Variants in ITSN2 observed in about 807,000 individuals in gnomAD.
ITSN2 encodes the protein intersectin-2.
ITSN2 carries 156 observed loss-of-function variants against 243.7 expected under a neutral mutation model. The observed-to-expected ratio is 0.64, with a 90% confidence interval of 0.56 to 0.73. The LOEUF (loss-of-function observed/expected upper bound fraction) is 0.73, where lower values mean the gene tolerates loss of function less well. Ranked by LOEUF, ITSN2 falls within the 30% of genes least tolerant of loss-of-function variation. ITSN2 has a pLI of 0.00. For synonymous variants in ITSN2, 703 were observed against 699.9 expected, an observed-to-expected ratio of 1.00 and a Z score of -0.07; for missense variants, 1,801 against 1,996.1, an observed-to-expected ratio of 0.90 and a Z score of 1.86.
At chr2:24,276,933 A>T (rs1678082625) in intron 17 of ITSN2, among the ~76,000 whole-genome samples, 1 of 152,190 alleles carries the variant, frequency 6.6e-6, no homozygotes, top group African/African-American at 2.4e-5. Context: ...ATAGGAATAA[A>T]ATCAACTCAG....
In ITSN2 at chr2:24,203,801, G is replaced by T. The variant is rs1668556319; in HGVS notation, c.4937-18C>A. 6.2e-7 allele frequency: 1 copy of T among 1,605,128 alleles called. No individual in the cohort carries two copies. The highest frequency in any genetic ancestry group is 8.5e-7 in the Non-Finnish European group (1 of 1,174,640). On this transcript the variant is annotated intron_variant, in intron 39 of 39. Transcript: ENST00000355123. Reference sequence around the variant, plus strand: ...CAGGAAATCTGGTGAATAAACACAGGAGAGTCAGAAGTCTTTCTTCTTTAT... The same window carrying T: ...CAGGAAATCTGGTGAATAAACACAGTAGAGTCAGAAGTCTTTCTTCTTTAT...
rs758653236 is a variant in ITSN2 at position 24,208,230 on chromosome 2, C to G, written c.4678+7G>C. On this transcript the variant is annotated splice_region_variant and intron_variant, in intron 37 of 39. Transcript: ENST00000355123. ...GGCTGCGTCCCACCCTCCGGGCACC[C>G]TGATACCTTGGTAAGCTTTCTCACG... The G allele has an allele frequency of 6.2e-7, 1 of 1,611,788 alleles. No homozygotes were observed. The highest frequency in any genetic ancestry group is 2.2e-5 in the East Asian group (1 of 44,832).
intron 2 of ITSN2, among the ~76,000 whole-genome samples, chr2:24,322,558 CA>C (rs1375760439): frequency 1.3e-5 from 2 of 152,144 alleles, no homozygotes; most frequent in Non-Finnish European, 2.9e-5. Context: ...AAAAGAACCT[CA>C]ACCTTCCAGC....
chr2:24,277,140 G>C (rs1678110161), intron 17 of ITSN2, among the ~76,000 whole-genome samples: 1 of 151,918 alleles, frequency 6.6e-6, no homozygotes, highest in South Asian at 2.1e-4. Flanking sequence ...CTTTCATTTG[G>C]AATCTACAGA....
At chr2:24,224,294 C>T (rs1360072465) in intron 29 of ITSN2, among the ~76,000 whole-genome samples, 1 of 152,204 alleles carries the variant, frequency 6.6e-6, no homozygotes, top group Non-Finnish European at 1.5e-5. Flanking sequence ...TTTCTCTAAA[C>T]GTACTCGTGT....
chr2:24,353,231 CAAAT>C (rs1320686781), intron 1 of ITSN2, among the ~76,000 whole-genome samples: 6 of 152,174 alleles, frequency 3.9e-5, no homozygotes, highest in East Asian at 1.9e-4. Flanking sequence ...ACTAAGACCT[CAAAT>C]AAATAATCTA....
intron 15 of ITSN2, 24 bp from the exon 16 acceptor site, chr2:24,286,375 T>C (rs1679510996): frequency 1.2e-6 from 2 of 1,608,000 alleles, no homozygotes; most frequent in Non-Finnish European, 1.7e-6. Flanking sequence ...ATCAGACAGT[T>C]TACATTTTGC....
rs1028857284 is a variant in ITSN2 at position 24,211,772 on chromosome 2, T to C, written c.4090-825A>G. Among the ~76,000 whole-genome samples, 1 of 152,204 alleles carries C rather than the reference T, an allele frequency of 6.6e-6. No individual in the cohort carries two copies. The highest frequency in any genetic ancestry group is 2.4e-5 in the African/African-American group (1 of 41,440). ...ACTGTAGGAATATTAGTGTGTCTGG[T>C]TGTAAGTGCTACCCTAAGGCTCAGT... On this transcript the variant is annotated intron_variant, in intron 33 of 39. Coordinates refer to ENST00000355123, the MANE Select transcript of ITSN2 (RefSeq NM_006277.3). This position sits in a 1 kb window ranked among gnomAD's most constrained non-coding sequence, Gnocchi z 4.1.
In ITSN2 at chr2:24,248,687, C is replaced by G. The variant is rs1453345587; in HGVS notation, c.3230G>C (p.Gly1077Ala). ...TTTCTTTAGAATTAATATTAACTGT[C>G]CTGGTGCAAGGCTAAGTTGTTCAGA... is the stretch of plus-strand genomic sequence containing the variant. The part of the protein sequence containing the change: ...SGSEQLSLAP[G>A]QLILILKKNT... The change falls in exon 27 of 40, where the codon GGA (glycine) becomes GCA (alanine). Residue 1077 changes from glycine to alanine, a missense_variant. By Grantham distance (60) the Gly-to-Ala change is moderately conservative. Transcript: ENST00000355123. 3.1e-6 allele frequency: 5 copies of G among 1,612,698 alleles called. No individual in the cohort carries two copies. In the African/African-American group the frequency reaches 5.3e-5, roughly 17 times the overall value.
rs549409258 is a variant in ITSN2 at position 24,263,945 on chromosome 2, T to C, written c.2356-2203A>G. ...TGGAATGGCTGAGTCACATGGTAGG[T>C]ACATGTTTTAACTTTTTTAACAATG... is the stretch of plus-strand genomic sequence containing the variant. On this transcript the variant is annotated intron_variant, in intron 20 of 39. Transcript: ENST00000355123. 2.6e-5 allele frequency among the ~76,000 whole-genome samples: 4 copies of C among 152,286 alleles called. No homozygotes were observed. In the East Asian group the frequency reaches 7.7e-4, roughly 29 times the overall value.
intron 17 of ITSN2, among the ~76,000 whole-genome samples, chr2:24,277,551 T>C (rs532490863): frequency 4.7e-4 from 72 of 152,166 alleles, no homozygotes; most frequent in Non-Finnish European, 8.2e-4. Flanking sequence ...TAAATTCTAT[T>C]GAAAAGCAGA....
intron 2 of ITSN2, among the ~76,000 whole-genome samples, chr2:24,320,200 G>A (rs954512412): frequency 9.1e-6 from 1 of 109,972 alleles, no homozygotes; most frequent in African/African-American, 3.6e-5. Flanking sequence ...AACATAGTGA[G>A]ACCCCATCTC....
chr2:24,341,565 T>C (rs887227436), intron 1 of ITSN2, among the ~76,000 whole-genome samples: 2 of 152,108 alleles, frequency 1.3e-5, no homozygotes, highest in African/African-American at 4.8e-5. Context: ...TTGAAGTAGA[T>C]TAGGCAATAA....
intron 1 of ITSN2, among the ~76,000 whole-genome samples, chr2:24,340,714 G>A (rs768627694): frequency 1.3e-5 from 2 of 151,664 alleles, no homozygotes; most frequent in African/African-American, 2.4e-5. Context: ...TATAAGTTGT[G>A]TCATTATAGA....
intron 29 of ITSN2, among the ~76,000 whole-genome samples, chr2:24,242,581 A>C (rs545992703): frequency 4.6e-5 from 7 of 152,318 alleles, no homozygotes; most frequent in South Asian, 2.1e-4. Flanking sequence ...GTTCATAGCT[A>C]CCAACACAAT....
intron 25 of ITSN2, among the ~76,000 whole-genome samples, chr2:24,250,292 G>A (rs565141752): frequency 1.4e-4 from 22 of 152,256 alleles, no homozygotes; most frequent in Admixed American, 1.2e-3. Context: ...GGGATTTAGC[G>A]AACATTTTCT....
chr2:24,291,429 T>TG (rs1000640115), intron 15 of ITSN2, among the ~76,000 whole-genome samples: 2 of 151,586 alleles, frequency 1.3e-5, no homozygotes, highest in African/African-American at 4.8e-5. Flanking sequence ...GTGTCCAGCC[T>TG]ATTCAGGAAT....
intron 2 of ITSN2, among the ~76,000 whole-genome samples, chr2:24,316,443 C>A (rs547555003): frequency 1.2e-4 from 19 of 152,044 alleles, no homozygotes; most frequent in Admixed American, 8.5e-4. Context: ...ACCACACACC[C>A]GGCTAATTTT....
chr2:24,312,942 A>T (rs186483640), intron 4 of ITSN2, among the ~76,000 whole-genome samples: 402 of 152,288 alleles, frequency 2.6e-3, no homozygotes, highest in African/African-American at 9.1e-3. Context: ...AATTATAAGG[A>T]AATTTTTCTC....
Sources: gnomAD v4.1 joint callset for allele counts (sites outside exome capture counted in the v4.1 genomes callset) on GRCh38, gnomAD v4.1.1 for gene constraint, Gnocchi (gnomAD v3.1) non-coding constraint, MANE v1.5 for transcripts, NCBI Gene and HGNC (gene_info 2026-07-23, HGNC 2026-07-21) for gene names.